Variants in IST1 observed in about 807,000 individuals in gnomAD.
The protein encoded by IST1 is IST1 homolog.
A neutral mutation model predicts 37.0 loss-of-function variants in IST1; 23 were observed. The observed-to-expected ratio is 0.62, with a 90% CI of 0.45 to 0.88. IST1 has a LOEUF of 0.88. Ranked by LOEUF, IST1 falls within the 40% of genes least tolerant of loss-of-function variation. The pLI is 0.00. For missense variants in IST1, 488 were observed against 445.4 expected, an observed-to-expected ratio of 1.10 and a Z score of -0.86; for synonymous variants, 180 against 161.7, an observed-to-expected ratio of 1.11 and a Z score of -0.86.
rs941019607 is a variant in IST1, at chr16:71,915,996, A to C, written c.88+268A>C. On this transcript the variant is annotated intron_variant, in intron 2 of 9. Coordinates refer to ENST00000378799, the MANE Select transcript of IST1 (RefSeq NM_001270975.2). ...CAGGTGTGTGCCACCACACCTGGCT[A>C]ATTTTCATGTTTTTAGTAGAGACGG... 5.3e-5 allele frequency among the ~76,000 whole-genome samples: 8 copies of C among 151,776 alleles called. No individual in the cohort carries two copies. The South Asian group carries it at 1.5e-3, about 28-fold the overall frequency.
chr16:71,895,442 C>T, upstream of IST1: 1 of 867,442 alleles, frequency 1.2e-6, no homozygotes, highest in Non-Finnish European at 1.4e-6. Flanking sequence ...GGCGATCGCG[C>T]AGCCAATCCC....
At chr16:71,904,107 C>T (rs888964809) in intron 1 of IST1, among the ~76,000 whole-genome samples, 2 of 152,042 alleles carry the variant, frequency 1.3e-5, no homozygotes, top group Non-Finnish European at 2.9e-5. Context: ...ACCCCTCCAA[C>T]GTTCTATTTG....
intron 1 of IST1, among the ~76,000 whole-genome samples, chr16:71,900,443 T>C (rs546930261): frequency 2.0e-5 from 3 of 151,754 alleles, no homozygotes; most frequent in Non-Finnish European, 4.4e-5. Context: ...CTGATTCTTT[T>C]CCTCCTCCAG....
chr16:71,926,428 C>T (rs1011758906), intron 9 of IST1, among the ~76,000 whole-genome samples: 1 of 151,792 alleles, frequency 6.6e-6, no homozygotes, highest in African/African-American at 2.4e-5. Context: ...ATTGCAAGCT[C>T]CACCTCCCGG....
Position 71,930,851 on chromosome 16 carries a change from C to G in IST1, c.*3038C>G, listed in dbSNP as rs1474130610. ...GGTATTGGCCCATTCATTGTTGCCA[C>G]TAGGGCACTGTTTAAAAATATCCCA... On this transcript the variant is annotated 3_prime_UTR_variant, in exon 10 of 10. Coordinates refer to ENST00000378799, the MANE Select transcript of IST1 (RefSeq NM_001270975.2). 2 of 152,290 alleles carry G rather than the reference C, an allele frequency of 1.3e-5. No individual in the cohort carries two copies. The highest frequency in any genetic ancestry group is 1.5e-5 in the Non-Finnish European group (1 of 68,024). The allele number at this position is 152,290 out of a possible 1,614,324, so 9.4% of individuals were successfully genotyped here.
At position 71,930,279 on chromosome 16, in the gene IST1, A is replaced by G; in HGVS notation, c.*2466A>G. 7.8e-7 allele frequency: 1 copy of G among 1,288,152 alleles called. No individual in the cohort carries two copies. Among genetic ancestry groups the G allele is most frequent in the Non-Finnish European group, 1.0e-6 (1 of 980,512 alleles). The allele number at this position is 1,288,152 out of a possible 1,614,324, so 79.8% of individuals were successfully genotyped here. A position where few individuals can be genotyped will look rare whatever the true frequency, so the allele number is the denominator to read the frequency against. ...CTAGTGTTTGGGATCTTATCAGAAG[A>G]AAAGCTTATCCGAAGGAAACTTAGG... On this transcript the variant is annotated 3_prime_UTR_variant, in exon 10 of 10. Transcript: ENST00000378799.
chr16:71,924,936 G>T (rs2037702626), intron 9 of IST1, 119 bp downstream of exon 9: 5 of 680,886 alleles, frequency 7.3e-6, no homozygotes, highest in South Asian at 1.8e-5. Context: ...TGCATGCCCT[G>T]TTCTCTTCCC....
At chr16:71,902,511 C>G (rs2037130959) in intron 1 of IST1, among the ~76,000 whole-genome samples, 1 of 152,214 alleles carries the variant, frequency 6.6e-6, no homozygotes, top group Admixed American at 6.5e-5. Context: ...CACAAGTAAT[C>G]TGCCCGCCTC....
intron 1 of IST1, among the ~76,000 whole-genome samples, chr16:71,914,253 G>C (rs2037422475): frequency 6.6e-6 from 1 of 151,396 alleles, no homozygotes; most frequent in Admixed American, 6.6e-5. Flanking sequence ...CCACCTCCCG[G>C]GTTCAAGCGA....
intron 1 of IST1, among the ~76,000 whole-genome samples, chr16:71,896,170 C>T (rs1378937496): frequency 6.6e-6 from 1 of 152,024 alleles, no homozygotes; most frequent in Non-Finnish European, 1.5e-5. Context: ...TTCTCGGATC[C>T]CTGCGTGTGT....
rs1042172586 is a variant in IST1, at chr16:71,924,650, G to C, written c.853-119G>C. 4 of 764,016 alleles carry C rather than the reference G, an allele frequency of 5.2e-6. No individual in the cohort carries two copies. The Admixed American group carries it at 6.1e-5, about 12-fold the overall frequency. 47.3% of individuals were successfully genotyped at this position (764,016 alleles called of 1,614,324 possible). ...GAAAAAATGCAGGGGCAGTTTCTTTGGAACAGGCTCTGTTGCATTTGGTGA... is the reference window on the plus strand; with the variant it reads ...GAAAAAATGCAGGGGCAGTTTCTTTCGAACAGGCTCTGTTGCATTTGGTGA... On this transcript the variant is annotated intron_variant, in intron 8 of 9. Transcript: ENST00000378799.
At position 71,923,227 on chromosome 16, in the gene IST1, C is replaced by G; in HGVS notation, c.760-61C>G. The stretch of plus-strand genomic sequence containing the variant: ...GTATTTCTTTCTCCCTTCCCATACC[C>G]AAACCTTCGAGATTGCAAACTGGAG... On this transcript the variant is annotated intron_variant, in intron 7 of 9. Coordinates refer to ENST00000378799, the MANE Select transcript of IST1 (RefSeq NM_001270975.2). The G allele has an allele frequency of 4.4e-6, 4 of 918,410 alleles. No individual in the cohort carries two copies. In the South Asian group the frequency reaches 5.7e-5, roughly 13 times the overall value. The allele number at this position is 918,410 out of a possible 1,614,324, so 56.9% of individuals were successfully genotyped here.
chr16:71,903,150 T>C (rs1393457205), intron 1 of IST1: 1 of 152,126 alleles, frequency 6.6e-6, no homozygotes, highest in African/African-American at 2.4e-5. Context: ...TGCTAATGTT[T>C]TAATTTTTTT....
intron 7 of IST1, 85 bp downstream of exon 7, chr16:71,922,765 G>A (rs2037637275): frequency 9.0e-7 from 1 of 1,113,434 alleles, no homozygotes; most frequent in Admixed American, 2.0e-5. Flanking sequence ...GGAATCATAG[G>A]TTGTCAGGAG....
At chr16:71,906,075 C>T (rs1368111084) in intron 1 of IST1, among the ~76,000 whole-genome samples, 2 of 150,248 alleles carry the variant, frequency 1.3e-5, no homozygotes, top group African/African-American at 4.9e-5. Context: ...GCCATCTCGG[C>T]TCACTGCAGC....
chr16:71,916,427 A>T, intron 2 of IST1, 35 bp from the exon 3 acceptor site: 1 of 1,605,796 alleles, frequency 6.2e-7, no homozygotes, highest in East Asian at 2.2e-5. Context: ...CAAGTGCTCT[A>T]CTGCTGTGAG....
At chr16:71,919,398 T>G (rs1257277733) in intron 4 of IST1, among the ~76,000 whole-genome samples, 1 of 152,216 alleles carries the variant, frequency 6.6e-6, no homozygotes, top group Non-Finnish European at 1.5e-5. Flanking sequence ...CTTTAATTTA[T>G]TATTTGAGAC....
chr16:71,903,350 A>G (rs775537948), intron 1 of IST1: 3 of 151,984 alleles, frequency 2.0e-5, no homozygotes, highest in Admixed American at 6.6e-5. Flanking sequence ...ACATCCCACA[A>G]ATTCGTTACA....
At chr16:71,926,839 T>C (rs558270417) in intron 9 of IST1, among the ~76,000 whole-genome samples, 1 of 152,124 alleles carries the variant, frequency 6.6e-6, no homozygotes, top group East Asian at 1.9e-4. Context: ...TAGATGTGTG[T>C]GGGGGCATGA....
Sources: allele counts gnomAD v4.1 joint callset (sites outside exome capture counted in the v4.1 genomes callset), GRCh38; gene constraint gnomAD v4.1.1; transcripts MANE v1.5; gene names NCBI Gene and HGNC (gene_info 2026-07-23, HGNC 2026-07-21).